KDM6A: variants seen among roughly 807,000 people sequenced by gnomAD.
The protein encoded by KDM6A is lysine demethylase 6A, also known as lysine-specific demethylase 6A.
A neutral mutation model predicts 117.6 loss-of-function variants in KDM6A; 11 were observed. The observed-to-expected ratio is 0.09, with a 90% CI of 0.06 to 0.15. KDM6A has a LOEUF of 0.15. KDM6A is among the 10% of genes least tolerant of loss of function. KDM6A has a pLI of 1.00. For synonymous variants in KDM6A, 384 were observed against 396.1 expected, an observed-to-expected ratio of 0.97 and a Z score of 0.36; for missense variants, 799 against 1,077.3, an observed-to-expected ratio of 0.74 and a Z score of 3.62.
At chrX:45,071,133 A>C (rs1465895010) in intron 18 of KDM6A, among the ~76,000 whole-genome samples, 1 of 112,330 alleles carries the variant, frequency 8.9e-6, no homozygotes, top group Admixed American at 9.4e-5. Context: ...AAGTGACTAA[A>C]TCTTGAATGA....
At chrX:44,926,319 C>T (rs2036300575) in intron 2 of KDM6A, among the ~76,000 whole-genome samples, 1 of 111,352 alleles carries the variant, frequency 9.0e-6, no homozygotes, top group African/African-American at 3.3e-5. Flanking sequence ...GTGATATGTT[C>T]GCCTCGGCCT....
intron 2 of KDM6A, among the ~76,000 whole-genome samples, chrX:44,899,829 A>G (rs1365082006): frequency 6.3e-5 from 7 of 111,677 alleles, no homozygotes; most frequent in Non-Finnish European, 1.1e-4. Flanking sequence ...TAGTAATTCA[A>G]TTTTGAATTA....
At chrX:45,084,792 A>G (rs766346656) in intron 24 of KDM6A, among the ~76,000 whole-genome samples, 7 of 111,213 alleles carry the variant, frequency 6.3e-5, no homozygotes, top group Admixed American at 4.8e-4. Context: ...TGCCTGGCTA[A>G]TTGTTTTGAG....
intron 2 of KDM6A, among the ~76,000 whole-genome samples, chrX:44,943,389 T>C (rs778413891): frequency 2.1e-4 from 24 of 112,075 alleles, no homozygotes; most frequent in Non-Finnish European, 3.9e-4. Context: ...CAATAAAATA[T>C]TGCTAAGCAC....
At chrX:44,946,188 C>G (rs1234953642) in intron 2 of KDM6A, among the ~76,000 whole-genome samples, 2 of 111,860 alleles carry the variant, frequency 1.8e-5, no homozygotes, top group South Asian at 3.7e-4. Flanking sequence ...CCTCTGCCTC[C>G]CAAGTGATTA....
chrX:44,907,723 C>G (rs1237737772), intron 2 of KDM6A, among the ~76,000 whole-genome samples: 3 of 104,200 alleles, frequency 2.9e-5, no homozygotes, highest in African/African-American at 7.0e-5. Flanking sequence ...GCTGGGATTA[C>G]AGGTGTGAGC....
chrX:45,018,783 T>C lies in KDM6A; in HGVS notation c.444-1827T>C, dbSNP rs1055134875. ...GACTCAGGCCTGCCTGGGTTTTTTA[T>C]TGGCATGTGTGGACATTGCTTAGTT... On this transcript the variant is annotated intron_variant, in intron 5 of 29. Coordinates refer to ENST00000611820, the MANE Select transcript of KDM6A (RefSeq NM_001291415.2). 5.4e-5 allele frequency among the ~76,000 whole-genome samples: 6 copies of C among 111,978 alleles called. No homozygotes were observed. The Admixed American group carries it at 5.7e-4, about 11-fold the overall frequency.
intron 17 of KDM6A, among the ~76,000 whole-genome samples, chrX:45,068,886 G>A (rs1475687520): frequency 9.7e-6 from 1 of 102,953 alleles, no homozygotes; most frequent in Non-Finnish European, 2.0e-5. Flanking sequence ...TGTGGAGACG[G>A]AGTCTCATTG....
chrX:45,097,803 G>A (rs940111958), intron 27 of KDM6A, among the ~76,000 whole-genome samples: 1 of 111,930 alleles, frequency 8.9e-6, no homozygotes, highest in Non-Finnish European at 1.9e-5. Context: ...CTGTTTATCT[G>A]AGTAAGTCAT....
rs187434556 is a variant in KDM6A at position 45,036,470 on chromosome X, G to A, written c.620-1185G>A. Among the ~76,000 whole-genome samples, 484 of 111,886 alleles carry A rather than the reference G, an allele frequency of 4.3e-3. 5 individuals are homozygous for A. The South Asian group carries it at 0.061, about 14-fold the overall frequency. ...CTAAAGGATTTTTACTTTCTTAAAT[G>A]AAATTCAGGATCCAGTACTGATTAG... On this transcript the variant is annotated intron_variant, in intron 7 of 29. Coordinates refer to ENST00000611820, the MANE Select transcript of KDM6A (RefSeq NM_001291415.2).
chrX:45,016,477 GTATGTATGTAT>G (rs2041969727), intron 5 of KDM6A, among the ~76,000 whole-genome samples: 1 of 108,940 alleles, frequency 9.2e-6, no homozygotes, highest in African/African-American at 3.4e-5. Context: ...ATGTATGTAT[GTATGTATGTAT>G]GTATGTATGT....
rs1602800162 is a variant in KDM6A, at chrX:45,061,439, C to T, written c.1581+20C>T. ...TTACAGGTATGTAAGATGTTTTTGA[C>T]AAATTGTTTATTAAAAAGGAGTAGA... is the stretch of plus-strand genomic sequence containing the variant. On this transcript the variant is annotated intron_variant, in intron 15 of 29. Transcript: ENST00000611820. 3 of 655,349 alleles carry T rather than the reference C, an allele frequency of 4.6e-6. No homozygotes were observed. Among genetic ancestry groups the T allele is most frequent in the Non-Finnish European group, 6.9e-6 (3 of 435,672 alleles). 54.0% of individuals were successfully genotyped at this position (655,349 alleles called of 1,213,427 possible). A position where few individuals can be genotyped will look rare whatever the true frequency, so the allele number is the denominator to read the frequency against.
intron 8 of KDM6A, among the ~76,000 whole-genome samples, chrX:45,048,024 T>C (rs2043649410): frequency 9.3e-6 from 1 of 107,819 alleles, no homozygotes; most frequent in African/African-American, 3.4e-5. Context: ...TAGCCAAGTG[T>C]GATGGCGTGC....
intron 2 of KDM6A, among the ~76,000 whole-genome samples, chrX:44,924,863 A>G (rs952224907): frequency 2.7e-5 from 3 of 110,391 alleles, no homozygotes; most frequent in African/African-American, 9.9e-5. Flanking sequence ...TAATTTTTAA[A>G]TTTTTTGTAG....
At chrX:45,048,159 CAA>C (rs571121737) in intron 8 of KDM6A, among the ~76,000 whole-genome samples, 5 of 34,312 alleles carry the variant, frequency 1.5e-4, no homozygotes, top group Admixed American at 3.9e-4. Context: ...AAGTGCGTCT[CAA>C]AAAAAAAAAA....
At chrX:45,090,347 T>G (rs761011411) in intron 26 of KDM6A, among the ~76,000 whole-genome samples, 2 of 112,206 alleles carry the variant, frequency 1.8e-5, no homozygotes, top group East Asian at 5.6e-4. Flanking sequence ...GAATGTGGAG[T>G]TTAGAGCCAG....
intron 17 of KDM6A, among the ~76,000 whole-genome samples, chrX:45,068,840 C>T (rs2044686583): frequency 9.2e-6 from 1 of 108,284 alleles, no homozygotes; most frequent in Non-Finnish European, 1.9e-5. Context: ...CTTTCCCTTT[C>T]CCTTTCCCTT....
intron 10 of KDM6A, among the ~76,000 whole-genome samples, chrX:45,058,157 A>G (rs1211011730): frequency 1.0e-5 from 1 of 95,585 alleles, no homozygotes; most frequent in Non-Finnish European, 2.0e-5. Context: ...TCTCAGGCCA[A>G]TTATTGTCTA....
chrX:44,907,139 T>C (rs969651736), intron 2 of KDM6A, among the ~76,000 whole-genome samples: 1 of 112,424 alleles, frequency 8.9e-6, no homozygotes, highest in Non-Finnish European at 1.9e-5. Flanking sequence ...TGCTGTTCAC[T>C]ATGGTTACTT....
Sources: allele counts gnomAD v4.1 joint callset (sites outside exome capture counted in the v4.1 genomes callset), GRCh38; gene constraint gnomAD v4.1.1; transcripts MANE v1.5; gene names NCBI Gene and HGNC (gene_info 2026-07-23, HGNC 2026-07-21).